ZMIZ1: variants seen among roughly 807,000 people sequenced by gnomAD.
ZMIZ1 encodes the protein zinc finger MIZ-type containing 1, also known as zinc finger MIZ domain-containing protein 1.
Under a neutral mutation model 113.9 loss-of-function variants are expected in ZMIZ1, and 17 were observed. The ratio of observed to expected loss-of-function variants is 0.15; its 90% CI spans 0.10 to 0.22. ZMIZ1 has a LOEUF of 0.22. Ranked by LOEUF, ZMIZ1 falls within the 10% of genes least tolerant of loss-of-function variation. The pLI is 1.00. For missense variants in ZMIZ1, 1,059 were observed against 1,477.8 expected (o/e 0.72, Z 4.65); for synonymous variants, 607 against 603.1 (o/e 1.01, Z -0.09).
intron 7 of ZMIZ1, among the ~76,000 whole-genome samples, chr10:79,220,657 G>A (rs886458673): frequency 3.3e-5 from 5 of 152,320 alleles, no homozygotes; most frequent in Non-Finnish European, 4.4e-5. Flanking sequence ...CTGTAGGTCT[G>A]TCTCTGTGCA....
chr10:79,236,111 C>G (rs180969037), intron 7 of ZMIZ1, among the ~76,000 whole-genome samples: 1 of 152,248 alleles, frequency 6.6e-6, no homozygotes, highest in African/African-American at 2.4e-5. Context: ...ACATGGTTTC[C>G]AGGCACGATG....
At chr10:79,120,173 A>G (rs950182878) in intron 2 of ZMIZ1, among the ~76,000 whole-genome samples, 1 of 152,192 alleles carries the variant, frequency 6.6e-6, no homozygotes, top group African/African-American at 2.4e-5. Context: ...GAGTGCATAG[A>G]TAATACAGAT....
At chr10:79,264,975 T>A (rs896698353) in intron 7 of ZMIZ1, among the ~76,000 whole-genome samples, 5 of 152,106 alleles carry the variant, frequency 3.3e-5, no homozygotes, top group Admixed American at 1.3e-4. Flanking sequence ...TAGTCTGGCG[T>A]CTTATCCTGG....
intron 4 of ZMIZ1, among the ~76,000 whole-genome samples, chr10:79,192,342 G>T (rs1162912234): frequency 6.6e-6 from 1 of 152,246 alleles, no homozygotes; most frequent in Non-Finnish European, 1.5e-5. Context: ...AGGTTGCTAG[G>T]CATAGCTGTG....
At chr10:79,251,587 A>T (rs1332627961) in intron 7 of ZMIZ1, among the ~76,000 whole-genome samples, 3 of 152,158 alleles carry the variant, frequency 2.0e-5, no homozygotes, top group Non-Finnish European at 4.4e-5. Context: ...CTGGTAGAAC[A>T]TGCAGAATGC....
At chr10:79,267,336 T>G (rs979666191) in intron 7 of ZMIZ1, among the ~76,000 whole-genome samples, 2 of 152,190 alleles carry the variant, frequency 1.3e-5, no homozygotes, top group African/African-American at 4.8e-5. Flanking sequence ...TGAAAGAAAT[T>G]GTATTTTATT....
chr10:79,311,228 G>C, intron 24 of ZMIZ1, 44 bp downstream of exon 24: 1 of 1,567,074 alleles, frequency 6.4e-7, no homozygotes, highest in South Asian at 1.2e-5. Context: ...GCTAGGCCTG[G>C]CGCCGGGACC....
chr10:79,217,057 A>G (rs189614687), intron 7 of ZMIZ1, among the ~76,000 whole-genome samples: 4 of 152,350 alleles, frequency 2.6e-5, no homozygotes, highest in African/African-American at 9.6e-5. Context: ...TCTGAGCCTC[A>G]GCTGATCTTT....
chr10:79,192,960 C>T (rs757463635), intron 4 of ZMIZ1, among the ~76,000 whole-genome samples: 7 of 152,140 alleles, frequency 4.6e-5, no homozygotes, highest in Non-Finnish European at 7.4e-5. Flanking sequence ...TCTCTCTGCC[C>T]TTCTTTCTGA....
intron 2 of ZMIZ1, among the ~76,000 whole-genome samples, chr10:79,120,838 G>A (rs1026552940): frequency 5.3e-5 from 8 of 152,198 alleles, no homozygotes; most frequent in African/African-American, 9.7e-5. Flanking sequence ...GGGCATGACA[G>A]TCCACCCTGC....
At chr10:79,147,103 A>G (rs1331770301) in intron 3 of ZMIZ1, among the ~76,000 whole-genome samples, 2 of 152,150 alleles carry the variant, frequency 1.3e-5, no homozygotes, top group Non-Finnish European at 2.9e-5. Flanking sequence ...GAAGGGCCAC[A>G]TTGGTGTGGG....
intron 7 of ZMIZ1, among the ~76,000 whole-genome samples, chr10:79,218,584 G>GGTGTGTGTGTGT (rs55736085): frequency 0.034 from 4,972 of 147,620 alleles, 115 homozygotes; most frequent in African/African-American, 0.055. Context: ...TAATTAGAGG[G>GGTGTGTGTGTGT]GTGTGTGTGT....
intron 7 of ZMIZ1, among the ~76,000 whole-genome samples, chr10:79,243,927 G>A (rs1850031429): frequency 6.6e-6 from 1 of 152,250 alleles, no homozygotes; most frequent in Non-Finnish European, 1.5e-5. Context: ...CGTGCACCGG[G>A]CCGGTTTTGT....
intron 7 of ZMIZ1, among the ~76,000 whole-genome samples, chr10:79,221,528 C>T (rs1288759914): frequency 1.3e-5 from 2 of 152,304 alleles, no homozygotes; most frequent in Middle Eastern, 3.4e-3. Context: ...CTCCCCAGGC[C>T]GGGCCTTAGC....
In ZMIZ1 at chr10:79,291,159, C is replaced by T. The variant is rs777141610; in HGVS notation, c.741C>T (p.Ser247=). The stretch of plus-strand genomic sequence containing the variant: ...ATGGCCGGCCCAACTACCCCGGCAG[C>T]GGGGGCTTTGGGGCCAGGTGAGCAG... ...SMYGRPNYPG[S]GGFGASYPGG... The change falls in exon 10 of 25, where the codon AGC becomes AGT. Residue 247 remains serine (S), a synonymous_variant. Transcript: ENST00000334512. 9.3e-6 allele frequency: 15 copies of T among 1,610,680 alleles called. No individual in the cohort carries two copies. In the Admixed American group the frequency reaches 1.3e-4, roughly 14 times the overall value.
At chr10:79,272,110 A>AAT (rs889787194) in intron 7 of ZMIZ1, among the ~76,000 whole-genome samples, 12 of 151,798 alleles carry the variant, frequency 7.9e-5, no homozygotes, top group East Asian at 1.9e-4. Flanking sequence ...CTCTACCAAA[A>AAT]ATATATATAT....
intron 4 of ZMIZ1, among the ~76,000 whole-genome samples, chr10:79,184,331 G>A (rs560201031): frequency 7.9e-5 from 12 of 152,322 alleles, no homozygotes; most frequent in South Asian, 4.1e-4. Flanking sequence ...AGCTGTGAGC[G>A]TGAGAATAGG....
intron 4 of ZMIZ1, among the ~76,000 whole-genome samples, chr10:79,200,114 T>C (rs533589688): frequency 1.3e-5 from 2 of 152,358 alleles, no homozygotes; most frequent in African/African-American, 4.8e-5. Flanking sequence ...TGAAAAGTCC[T>C]GGCTGACATG....
chr10:79,305,072 C>T, intron 19 of ZMIZ1, 92 bp from the exon 20 acceptor site: 1 of 1,415,128 alleles, frequency 7.1e-7, no homozygotes, highest in Non-Finnish European at 1.0e-6. Context: ...ATCTTTCTCT[C>T]TGGTGGGGAA....
Sources: allele counts gnomAD v4.1 joint callset (sites outside exome capture counted in the v4.1 genomes callset), GRCh38; gene constraint gnomAD v4.1.1; transcripts MANE v1.5; gene names NCBI Gene and HGNC (gene_info 2026-07-23, HGNC 2026-07-21).